The following SMPD3 variants were observed in gnomAD, a reference collection of about 807,000 sequenced individuals.
SMPD3 encodes the protein sphingomyelin phosphodiesterase 3, also known as nSMase-2.
In SMPD3, 21 loss-of-function variants were observed where a neutral mutation model predicts 55.7. The ratio of observed to expected loss-of-function variants is 0.38; its 90% CI spans 0.27 to 0.54. The LOEUF is 0.54. Among genes scored for constraint, SMPD3 ranks in the 20% least tolerant of loss-of-function variants. SMPD3 has a pLI of 0.80. For missense variants in SMPD3, 842 were observed against 899.6 expected, an observed-to-expected ratio of 0.94 and a Z score of 0.82; for synonymous variants, 457 against 404.3, an observed-to-expected ratio of 1.13 and a Z score of -1.56.
chr16:68,446,425 A>G (rs1401219667), intron 1 of SMPD3, among the ~76,000 whole-genome samples: 1 of 150,874 alleles, frequency 6.6e-6, no homozygotes, highest in Non-Finnish European at 1.5e-5. Flanking sequence ...AGATGTGACT[A>G]CCCTGCTCCC....
At chr16:68,362,493 C>T (rs1248880782) in intron 7 of SMPD3, among the ~76,000 whole-genome samples, 1 of 152,214 alleles carries the variant, frequency 6.6e-6, no homozygotes, top group East Asian at 1.9e-4. Flanking sequence ...GGGGCCTCAG[C>T]ACCACTGGGC....
At position 68,375,700 on chromosome 16, in the gene SMPD3, A is replaced by G. The variant is rs1347871947; in HGVS notation, c.-206-3313T>C. ...CAGAAACCCTGTGGGCCAGCTTCCC[A>G]TGGCCCTGCCAGCAATGGTAGTGAG... On this transcript the variant is annotated intron_variant, in intron 2 of 8. Coordinates refer to ENST00000219334, the MANE Select transcript of SMPD3 (RefSeq NM_018667.4). Among the ~76,000 whole-genome samples the G allele has an allele frequency of 2.6e-5, 4 of 152,080 alleles. No individual in the cohort carries two copies. The East Asian group carries it at 7.7e-4, about 29-fold the overall frequency.
chr16:68,444,927 G>A (rs2090598759), intron 1 of SMPD3, among the ~76,000 whole-genome samples: 2 of 152,240 alleles, frequency 1.3e-5, no homozygotes, highest in Non-Finnish European at 2.9e-5. Flanking sequence ...GGATGCCAAA[G>A]TAAGAACAAT....
chr16:68,388,571 C>T (rs1233401058), intron 1 of SMPD3, among the ~76,000 whole-genome samples: 1 of 152,118 alleles, frequency 6.6e-6, no homozygotes, highest in Non-Finnish European at 1.5e-5. Context: ...AGAAGTTTGT[C>T]AAGCAGGATC....
At chr16:68,433,460 G>A (rs777709569) in intron 1 of SMPD3, among the ~76,000 whole-genome samples, 1 of 152,246 alleles carries the variant, frequency 6.6e-6, no homozygotes, top group African/African-American at 2.4e-5. Context: ...TTTGGGGCTA[G>A]AGATGAATTC....
intron 1 of SMPD3, among the ~76,000 whole-genome samples, chr16:68,403,923 G>A (rs2090231691): frequency 6.6e-6 from 1 of 152,210 alleles, no homozygotes; most frequent in East Asian, 1.9e-4. Context: ...CTGTCAGAAA[G>A]CCCATGCACA....
intron 5 of SMPD3, chr16:68,364,379 T>TCC: frequency 4.1e-6 from 1 of 245,954 alleles, no homozygotes; most frequent in East Asian, 1.0e-4. Context: ...ATGCAATGCT[T>TCC]CCCTCTCAGG....
At chr16:68,392,020 TAGGTGGGATTAC>T (rs1213131447) in intron 1 of SMPD3, among the ~76,000 whole-genome samples, 6 of 151,886 alleles carry the variant, frequency 4.0e-5, no homozygotes, top group African/African-American at 1.4e-4. Flanking sequence ...GCCTCCCGAG[TAGGTGGGATTAC>T]AGGTGCCCAC....
chr16:68,415,804 CTT>C (rs5817637), intron 1 of SMPD3, among the ~76,000 whole-genome samples: 1,658 of 133,684 alleles, frequency 0.012, 21 homozygotes, highest in African/African-American at 0.033. Context: ...ACCTCTTCAG[CTT>C]TTTTTTTTTT....
chr16:68,392,781 G>A (rs1480261714), intron 1 of SMPD3, among the ~76,000 whole-genome samples: 2 of 145,670 alleles, frequency 1.4e-5, no homozygotes, highest in Non-Finnish European at 3.0e-5. Context: ...TTGAGCCCAG[G>A]AGGCGGAGGT....
chr16:68,375,833 G>A (rs750097556), intron 2 of SMPD3, among the ~76,000 whole-genome samples: 1 of 152,210 alleles, frequency 6.6e-6, no homozygotes, highest in Non-Finnish European at 1.5e-5. Flanking sequence ...GTGGGCAGGA[G>A]TGGCCCAAGA....
At chr16:68,387,059 T>C (rs962056020) in intron 1 of SMPD3, among the ~76,000 whole-genome samples, 1 of 152,118 alleles carries the variant, frequency 6.6e-6, no homozygotes, top group Non-Finnish European at 1.5e-5. Context: ...TTTAATCTGA[T>C]AGTTAGAACC....
intron 1 of SMPD3, among the ~76,000 whole-genome samples, chr16:68,438,901 C>T (rs1207908150): frequency 6.6e-6 from 1 of 152,150 alleles, no homozygotes; most frequent in Non-Finnish European, 1.5e-5. Context: ...GGGTTGGGGT[C>T]CTGGTCCTCT....
chr16:68,443,754 A>C (rs558883320), intron 1 of SMPD3, among the ~76,000 whole-genome samples: 25 of 152,362 alleles, frequency 1.6e-4, no homozygotes, highest in Admixed American at 3.3e-4. Context: ...GTGGGTCCGC[A>C]ATCCTATTCC....
rs189545983 is a variant in SMPD3, at chr16:68,373,974, G to C, written c.-206-1587C>G. ...TCCTTAGAAGACTTTTGGACCCCTT[G>C]CCCCGGTGGCTTAGGTGTCTCCACC... On this transcript the variant is annotated intron_variant, in intron 2 of 8. Coordinates refer to ENST00000219334, the MANE Select transcript of SMPD3 (RefSeq NM_018667.4). Among the ~76,000 whole-genome samples the C allele has an allele frequency of 3.4e-3, 518 of 152,318 alleles. 2 individuals are homozygous for C. The highest frequency in any genetic ancestry group is 0.012 in the African/African-American group (500 of 41,564).
intron 2 of SMPD3, among the ~76,000 whole-genome samples, chr16:68,379,718 G>T (rs745642930): frequency 1.3e-5 from 2 of 152,176 alleles, no homozygotes; most frequent in Non-Finnish European, 2.9e-5. Context: ...CAGGCAAAGG[G>T]GCCATACAAT....
intron 3 of SMPD3, among the ~76,000 whole-genome samples, chr16:68,365,375 C>T (rs913587413): frequency 5.3e-5 from 8 of 152,154 alleles, no homozygotes; most frequent in Admixed American, 2.0e-4. Flanking sequence ...CAAGGCTCCC[C>T]GGAGGCCCAG....
intron 1 of SMPD3, among the ~76,000 whole-genome samples, chr16:68,437,416 T>C (rs1475024495): frequency 1.3e-5 from 2 of 152,258 alleles, no homozygotes; most frequent in Non-Finnish European, 2.9e-5. Context: ...AATGGCCAGA[T>C]GAGCCCTTAA....
At chr16:68,412,247 G>A (rs1180731787) in intron 1 of SMPD3, among the ~76,000 whole-genome samples, 5 of 152,164 alleles carry the variant, frequency 3.3e-5, no homozygotes, top group African/African-American at 4.8e-5. Flanking sequence ...GTCAAGGTAC[G>A]CCCACAGCAG....
Sources: allele counts gnomAD v4.1 joint callset (sites outside exome capture counted in the v4.1 genomes callset), GRCh38; gene constraint gnomAD v4.1.1; transcripts MANE v1.5; gene names NCBI Gene and HGNC (gene_info 2026-07-23, HGNC 2026-07-21).